Variants in ECPAS observed in about 807,000 individuals in gnomAD.
ECPAS encodes the protein Ecm29 proteasome adaptor and scaffold, also known as proteasome adapter and scaffold protein ECM29.
Under a neutral mutation model 255.1 loss-of-function variants are expected in ECPAS, and 70 were observed. That is an observed-to-expected ratio of 0.27 (90% CI 0.23 to 0.33). ECPAS has a LOEUF of 0.33. ECPAS is among the 10% of genes least tolerant of loss of function. The pLI is 1.00. For synonymous variants in ECPAS, 784 were observed against 775.0 expected (o/e 1.01, Z -0.19); for missense variants, 1,817 against 2,206.4 (o/e 0.82, Z 3.54).
At chr9:111,391,595 A>G (rs1257390546) in intron 29 of ECPAS, among the ~76,000 whole-genome samples, 161 bp downstream of exon 29, 2 of 152,014 alleles carry the variant, frequency 1.3e-5, no homozygotes, top group Non-Finnish European at 2.9e-5. Context: ...AAAAAAAAAA[A>G]AGACATCAGA....
At chr9:111,419,406 G>T (rs1297005300) in intron 16 of ECPAS, among the ~76,000 whole-genome samples, 1 of 152,076 alleles carries the variant, frequency 6.6e-6, no homozygotes, top group Non-Finnish European at 1.5e-5. Flanking sequence ...ACATATAACA[G>T]ATTTGAAAAG....
intron 45 of ECPAS, 150 bp from the exon 46 acceptor site, chr9:111,369,323 C>A: frequency 1.9e-6 from 1 of 536,196 alleles, no homozygotes; most frequent in Non-Finnish European, 2.9e-6. Flanking sequence ...CTATTTACAA[C>A]AAGAATTTAT....
At chr9:111,410,291 GT>G in intron 22 of ECPAS, 78 bp from the exon 23 acceptor site, 13 of 1,263,478 alleles carry the variant, frequency 1.0e-5, no homozygotes, top group East Asian at 2.5e-5. Context: ...TGTACTCAAG[GT>G]TTTTTTTAAG....
At chr9:111,442,486 T>G in intron 4 of ECPAS, 62 bp from the exon 5 acceptor site, 1 of 987,414 alleles carries the variant, frequency 1.0e-6, no homozygotes, top group East Asian at 2.6e-5. Context: ...TCAATGAAAA[T>G]ATATGATTGA....
intron 29 of ECPAS, among the ~76,000 whole-genome samples, chr9:111,390,724 G>A (rs994172854): frequency 3.3e-5 from 5 of 152,160 alleles, no homozygotes; most frequent in Admixed American, 1.3e-4. Flanking sequence ...AAGCAGGCTC[G>A]TGTGTGACAC....
chr9:111,476,877 A>G (rs946839520), intron 1 of ECPAS, among the ~76,000 whole-genome samples: 1 of 151,728 alleles, frequency 6.6e-6, no homozygotes, highest in African/African-American at 2.4e-5. Flanking sequence ...TGGCCAGGCT[A>G]GTCTTGAACT....
At chr9:111,472,778 G>T in intron 2 of ECPAS, 119 bp downstream of exon 2, 1 of 209,634 alleles carries the variant, frequency 4.8e-6, no homozygotes. Flanking sequence ...AGGCTAGCTA[G>T]AAAAGGAAAA....
chr9:111,475,880 T>C (rs1277419489), intron 1 of ECPAS, among the ~76,000 whole-genome samples: 2 of 152,242 alleles, frequency 1.3e-5, no homozygotes, highest in Non-Finnish European at 2.9e-5. Context: ...CAGGCTTGCC[T>C]TGGCCTTTCT....
At chr9:111,462,176 C>A (rs1039480913) in intron 2 of ECPAS, among the ~76,000 whole-genome samples, 2 of 151,996 alleles carry the variant, frequency 1.3e-5, no homozygotes. Context: ...CTCATTACCT[C>A]GAGATAGGAA....
At position 111,393,030 on chromosome 9, in the gene ECPAS, T is replaced by TA. The variant is rs1488387315; in HGVS notation, c.2978-149dup. 10 of 602,714 alleles carry TA rather than the reference T, an allele frequency of 1.7e-5. No homozygotes were observed. The East Asian group carries it at 2.5e-4, about 15-fold the overall frequency. The allele number at this position is 602,714 out of a possible 1,614,324, so 37.3% of individuals were successfully genotyped here. A position where few individuals can be genotyped will look rare whatever the true frequency, so the allele number is the denominator to read the frequency against. ...AACAGAATCAATATGCCTATTTTGT[T>TA]AAAAATAATAATCATTTCAGGGGAC... On this transcript the variant is annotated intron_variant, in intron 27 of 49. Transcript: ENST00000684092.
intron 33 of ECPAS, 42 bp from the exon 34 acceptor site, chr9:111,384,611 T>C: frequency 6.4e-7 from 1 of 1,569,874 alleles, no homozygotes; most frequent in South Asian, 1.1e-5. Context: ...GTTAGAGAGT[T>C]TCACTATCAT....
Position 111,397,128 on chromosome 9 carries a change from G to C in ECPAS, c.2678C>G (p.Thr893Ser). ...VEAKQIELQF[T>S]IGEAITSAAI... ...AGCACTGGTAATGGCTTCGCCAATA[G>C]TGAACTGAAGTTCTATCTGCTTGGC... Residue 893 changes from threonine (T) to serine (S), a missense_variant, in exon 25 of 50, where the codon ACT (threonine) becomes AGT (serine). Physicochemically the swap from Thr to Ser is moderately conservative, Grantham distance 58. Transcript: ENST00000684092. 6.2e-7 allele frequency: 1 copy of C among 1,613,894 alleles called. No individual in the cohort carries two copies. The highest frequency in any genetic ancestry group is 1.1e-5 in the South Asian group (1 of 91,090).
chr9:111,420,483 C>T (rs575586037), intron 15 of ECPAS, among the ~76,000 whole-genome samples: 4 of 152,238 alleles, frequency 2.6e-5, no homozygotes, highest in African/African-American at 9.6e-5. Context: ...ACCTCCGCCA[C>T]CCCAACTCTC....
intron 1 of ECPAS, among the ~76,000 whole-genome samples, chr9:111,483,250 G>T (rs967949696): frequency 1.3e-5 from 2 of 151,900 alleles, no homozygotes; most frequent in Admixed American, 6.6e-5. Flanking sequence ...GGCGGATCGC[G>T]GGCAGAGGTG....
chr9:111,416,409 C>G, intron 17 of ECPAS, 57 bp from the exon 18 acceptor site: 1 of 1,242,984 alleles, frequency 8.0e-7, no homozygotes, highest in South Asian at 1.2e-5. Context: ...CATACCTGCC[C>G]TTCCTCAACT....
chr9:111,415,252 TGAGA>T (rs34072206), intron 18 of ECPAS, among the ~76,000 whole-genome samples: 3 of 150,102 alleles, frequency 2.0e-5, no homozygotes, highest in Non-Finnish European at 4.4e-5. Context: ...TGTGTGTGTG[TGAGA>T]GAGAGAGAAA....
intron 16 of ECPAS, 93 bp from the exon 17 acceptor site, chr9:111,418,099 T>C (rs1486438245): frequency 1.2e-5 from 14 of 1,180,106 alleles, no homozygotes; most frequent in Non-Finnish European, 1.6e-5. Context: ...ATTTGGCAGC[T>C]AGAGTTCTCA....
chr9:111,383,283 G>A lies in ECPAS; in HGVS notation c.3731C>T (p.Thr1244Ile). 6.2e-7 allele frequency: 1 copy of A among 1,613,340 alleles called. No individual in the cohort carries two copies. Among genetic ancestry groups the A allele is most frequent in the Non-Finnish European group, 8.5e-7 (1 of 1,179,626 alleles). Residue 1244 changes from threonine (T) to isoleucine (I), a missense_variant, in exon 35 of 50, where the codon ACC (threonine) becomes ATC (isoleucine). This residue lies in a region of ECPAS where 960 missense variants were observed against 1,179.0 expected (regional missense o/e 0.81). Coordinates refer to ENST00000684092, the MANE Select transcript of ECPAS (RefSeq NM_001364929.1). ...AAGGCAAGGCAGAAGGGCAGCGATGGTTCTCTGGCCAGCTGCTCCTTTGGC... is the reference window on the plus strand; with the variant it reads ...AAGGCAAGGCAGAAGGGCAGCGATGATTCTCTGGCCAGCTGCTCCTTTGGC... ...DPAKGAAGQR[T>I]IAALLPCLLD... is the part of the protein sequence containing the mutation.
intron 24 of ECPAS, among the ~76,000 whole-genome samples, chr9:111,407,422 A>AAAAAAAAAAAAAAAAAAAAAAAAAAAAC: frequency 6.9e-6 from 1 of 144,144 alleles, no homozygotes. Context: ...AAAAAAAAAA[A>AAAAAAAAAAAAAAAAAAAAAAAAAAAAC]AAAAAAAAAA....
Sources: gnomAD v4.1 joint callset for allele counts (sites outside exome capture counted in the v4.1 genomes callset) on GRCh38, gnomAD v4.1.1 for gene constraint, gnomAD v4.1.1 regional missense constraint, MANE v1.5 for transcripts, NCBI Gene and HGNC (gene_info 2026-07-23, HGNC 2026-07-21) for gene names.